STAU2: variants seen among roughly 807,000 people sequenced by gnomAD.
STAU2 encodes double-stranded RNA-binding protein Staufen homolog 2.
A neutral mutation model predicts 65.9 loss-of-function variants in STAU2; 20 were observed. The ratio of observed to expected loss-of-function variants is 0.30; its 90% CI spans 0.21 to 0.44. The LOEUF is 0.44. STAU2 is among the 20% of genes least tolerant of loss of function. The pLI, the probability that STAU2 is intolerant of heterozygous loss-of-function variation, is 1.00. For missense variants in STAU2, 558 were observed against 683.9 expected (o/e 0.82, Z 2.05); for synonymous variants, 232 against 233.9 (o/e 0.99, Z 0.07).
chr8:73,637,328 T>C (rs1210486559), intron 6 of STAU2, among the ~76,000 whole-genome samples: 2 of 151,350 alleles, frequency 1.3e-5, no homozygotes, highest in African/African-American at 4.8e-5. Context: ...CCACACAAGA[T>C]ATGTTATAGT....
intron 10 of STAU2, among the ~76,000 whole-genome samples, chr8:73,600,146 T>C (rs930167211): frequency 6.6e-6 from 1 of 152,102 alleles, no homozygotes; most frequent in African/African-American, 2.4e-5. Context: ...GGTAAGAAAA[T>C]ACAAACTTAA....
intron 13 of STAU2, among the ~76,000 whole-genome samples, chr8:73,501,411 T>C (rs772877859): frequency 6.6e-6 from 1 of 151,968 alleles, no homozygotes; most frequent in Non-Finnish European, 1.5e-5. Flanking sequence ...ATATTTGACA[T>C]CTTAAAATTT....
At chr8:73,451,029 T>C (rs1237547505) in intron 13 of STAU2, among the ~76,000 whole-genome samples, 1 of 152,172 alleles carries the variant, frequency 6.6e-6, no homozygotes, top group Admixed American at 6.5e-5. Flanking sequence ...TCACAAACAC[T>C]GAAGAACCCA....
chr8:73,426,794 G>A (rs187746281), intron 13 of STAU2, among the ~76,000 whole-genome samples: 20 of 152,144 alleles, frequency 1.3e-4, no homozygotes, highest in Admixed American at 3.3e-4. Context: ...GTATCCTATC[G>A]ATATCCTGTG....
chr8:73,704,758 TC>T (rs768301031), intron 4 of STAU2, among the ~76,000 whole-genome samples: 5 of 152,154 alleles, frequency 3.3e-5, no homozygotes, highest in Non-Finnish European at 5.9e-5. Context: ...AACCTCCGCC[TC>T]CCAGGTTCAA....
At chr8:73,599,198 G>A (rs909752919) in intron 10 of STAU2, among the ~76,000 whole-genome samples, 1 of 152,186 alleles carries the variant, frequency 6.6e-6, no homozygotes, top group Non-Finnish European at 1.5e-5. Context: ...TTTTGAGGAA[G>A]AGCAAGGTGT....
chr8:73,577,130 T>TGA (rs1809618277), intron 12 of STAU2, among the ~76,000 whole-genome samples: 1 of 152,168 alleles, frequency 6.6e-6, no homozygotes, highest in Admixed American at 6.5e-5. Context: ...CCCTAGCTGT[T>TGA]TAAATATAAT....
intron 5 of STAU2, among the ~76,000 whole-genome samples, chr8:73,679,978 A>ATTTTTTT (rs1160379353): frequency 1.2e-5 from 1 of 81,368 alleles, no homozygotes; most frequent in Non-Finnish European, 2.2e-5. Context: ...TAGGGAAGCC[A>ATTTTTTT]TTTTTTTTTT....
intron 13 of STAU2, among the ~76,000 whole-genome samples, chr8:73,450,587 A>G (rs1349288125): frequency 6.6e-6 from 1 of 152,222 alleles, no homozygotes. Context: ...TAATACAGGT[A>G]AAGAAAAGCA....
intron 4 of STAU2, among the ~76,000 whole-genome samples, chr8:73,693,633 A>G (rs1028681513): frequency 6.6e-5 from 10 of 152,214 alleles, no homozygotes; most frequent in Admixed American, 2.0e-4. Context: ...TCTGTAAAAT[A>G]TAAGTATTTC....
chr8:73,621,063 A>C (rs1213059732), intron 6 of STAU2, among the ~76,000 whole-genome samples: 2 of 152,144 alleles, frequency 1.3e-5, no homozygotes, highest in African/African-American at 4.8e-5. Context: ...TTCTACTTTC[A>C]CTTATTTCAA....
intron 13 of STAU2, among the ~76,000 whole-genome samples, chr8:73,532,786 T>C (rs1805908482): frequency 6.6e-6 from 1 of 152,216 alleles, no homozygotes; most frequent in Non-Finnish European, 1.5e-5. Flanking sequence ...TAAGCATTTA[T>C]TTCTAAACTG....
At chr8:73,676,618 G>A (rs1818044514) in intron 5 of STAU2, among the ~76,000 whole-genome samples, 1 of 152,154 alleles carries the variant, frequency 6.6e-6, no homozygotes, top group Non-Finnish European at 1.5e-5. Flanking sequence ...TTGTTTTTGA[G>A]ACGGAGTCTC....
intron 13 of STAU2, among the ~76,000 whole-genome samples, chr8:73,457,207 C>T (rs1819116856): frequency 1.4e-5 from 2 of 140,606 alleles, no homozygotes; most frequent in Non-Finnish European, 3.2e-5. Flanking sequence ...AGATCTACCC[C>T]AGCTTAGAAA....
intron 5 of STAU2, among the ~76,000 whole-genome samples, chr8:73,674,815 T>C (rs1817925390): frequency 6.6e-6 from 1 of 151,914 alleles, no homozygotes; most frequent in Non-Finnish European, 1.5e-5. Flanking sequence ...TAAAACCCTG[T>C]AGTTTTAAAT....
chr8:73,612,224 T>C (rs1010014795), intron 9 of STAU2, among the ~76,000 whole-genome samples: 1 of 152,252 alleles, frequency 6.6e-6, no homozygotes, highest in African/African-American at 2.4e-5. Flanking sequence ...TAATATGTGT[T>C]ATTTATTATA....
chr8:73,744,212 T>C (rs1175652989), intron 1 of STAU2, among the ~76,000 whole-genome samples: 1 of 152,172 alleles, frequency 6.6e-6, no homozygotes, highest in Non-Finnish European at 1.5e-5. Context: ...GAGGATTATT[T>C]AAAATCAAAC....
chr8:73,596,588 G>A (rs766441158), intron 10 of STAU2, among the ~76,000 whole-genome samples: 1 of 152,146 alleles, frequency 6.6e-6, no homozygotes, highest in Non-Finnish European at 1.5e-5. Context: ...TTCTGGTCAG[G>A]TGTGGTGGCT....
intron 10 of STAU2, among the ~76,000 whole-genome samples, chr8:73,599,428 G>C (rs754181066): frequency 2.0e-5 from 3 of 151,926 alleles, no homozygotes; most frequent in Non-Finnish European, 4.4e-5. Flanking sequence ...TTTAAAAAAC[G>C]AGCAGAAAAA....
Sources: allele counts gnomAD v4.1 joint callset (sites outside exome capture counted in the v4.1 genomes callset), GRCh38; gene constraint gnomAD v4.1.1; transcripts MANE v1.5; gene names NCBI Gene and HGNC (gene_info 2026-07-23, HGNC 2026-07-21).